BTG4: variants seen among roughly 807,000 people sequenced by gnomAD.
BTG4 encodes the protein BTG anti-proliferation factor 4.
In BTG4, 10 loss-of-function variants were observed where a neutral mutation model predicts 19.3. The observed-to-expected ratio is 0.52, with a 90% CI of 0.32 to 0.88. The LOEUF (loss-of-function observed/expected upper bound fraction) is 0.88. Among genes scored for constraint, BTG4 ranks in the 40% least tolerant of loss-of-function variants. The probability of loss-of-function intolerance (pLI) is 0.04; values close to 1 mark genes in which losing one functional copy is unlikely to be tolerated. For missense variants in BTG4, 238 were observed against 281.9 expected, an observed-to-expected ratio of 0.84 and a Z score of 1.11; for synonymous variants, 91 against 95.7, an observed-to-expected ratio of 0.95 and a Z score of 0.29.
the BTG4 span, chr11:111,397,447 A>G: frequency 6.6e-6 from 1 of 152,000 alleles, no homozygotes; most frequent in Non-Finnish European, 1.5e-5. Context: ...GTTTCTCTCT[A>G]CTCCAGGCCT....
At chr11:111,438,103 A>G in the BTG4 span, among the ~76,000 whole-genome samples, 3 of 152,212 alleles carry the variant, frequency 2.0e-5, no homozygotes, top group Non-Finnish European at 4.4e-5. Flanking sequence ...GATGCTGCTT[A>G]AAGGAAGAGG....
At chr11:111,463,932 C>T (rs1474609555), downstream of BTG4, among the ~76,000 whole-genome samples, 3 of 152,212 alleles carry the variant, frequency 2.0e-5, no homozygotes, top group Non-Finnish European at 1.5e-5. Context: ...GGGCAGCTCA[C>T]AACATGGCAG....
chr11:111,427,434 G>A, the BTG4 span, among the ~76,000 whole-genome samples: 20 of 152,258 alleles, frequency 1.3e-4, no homozygotes, highest in Admixed American at 5.2e-4. Flanking sequence ...TCAAAGGACC[G>A]CTCTGATCTC....
At position 111,498,673 on chromosome 11, in the gene BTG4, A is replaced by G. The variant is rs1865884595; in HGVS notation, c.104T>C (p.Met35Thr). 6.2e-7 allele frequency: 1 copy of G among 1,613,988 alleles called. No individual in the cohort carries two copies. Among genetic ancestry groups the G allele is most frequent in the Non-Finnish European group, 8.5e-7 (1 of 1,179,994 alleles). ...QQIEDFAEKLMTILFETYRSH... is the reference protein window; with the variant it reads ...QQIEDFAEKLTTILFETYRSH... ...TCTGTATGTTTCAAACAAGATCGTCATCAGCTTTTCTGCAAAGTCTTCTAT... is the reference window on the plus strand; with the variant it reads ...TCTGTATGTTTCAAACAAGATCGTCGTCAGCTTTTCTGCAAAGTCTTCTAT... Residue 35 changes from methionine (M) to threonine (T), a missense_variant, in exon 2 of 5, where the codon ATG (methionine) becomes ACG (threonine). Met to Thr is a moderately conservative substitution (Grantham distance 81, BLOSUM62 -1). Coordinates refer to ENST00000692032, the MANE Select transcript of BTG4 (RefSeq NM_001367975.1).
the BTG4 span, among the ~76,000 whole-genome samples, chr11:111,442,506 AT>A: frequency 9.0e-6 from 1 of 111,108 alleles, no homozygotes; most frequent in Non-Finnish European, 1.9e-5. Flanking sequence ...TTCAAAAAAA[AT>A]GTATACACAC....
chr11:111,391,463 T>C, the BTG4 span, among the ~76,000 whole-genome samples: 1 of 152,208 alleles, frequency 6.6e-6, no homozygotes, highest in African/African-American at 2.4e-5. Context: ...CTTTTCTTTT[T>C]TTAGCCACTG....
At chr11:111,414,409 C>T in the BTG4 span, 9 of 152,134 alleles carry the variant, frequency 5.9e-5, no homozygotes, top group African/African-American at 2.2e-4. Context: ...CCTTCCTCGC[C>T]CAGTTGAACC....
intron 5 of BTG4, among the ~76,000 whole-genome samples, chr11:111,480,830 T>C (rs191176032): frequency 6.6e-6 from 1 of 151,598 alleles, no homozygotes; most frequent in African/African-American, 2.4e-5. Flanking sequence ...ATACTAAGTA[T>C]ATACATTAGA....
the BTG4 span, among the ~76,000 whole-genome samples, chr11:111,451,918 C>T: frequency 6.6e-6 from 1 of 152,232 alleles, no homozygotes; most frequent in Non-Finnish European, 1.5e-5. Flanking sequence ...ATGTGCTGTG[C>T]AAGGAGGGGA....
chr11:111,404,024 C>G, the BTG4 span, among the ~76,000 whole-genome samples: 1 of 152,144 alleles, frequency 6.6e-6, no homozygotes, highest in Non-Finnish European at 1.5e-5. Context: ...TCCTGAATTC[C>G]CATGTCTTGT....
At chr11:111,472,208 T>C (rs1370191302) in intron 5 of BTG4, among the ~76,000 whole-genome samples, 1 of 152,196 alleles carries the variant, frequency 6.6e-6, no homozygotes, top group African/African-American at 2.4e-5. Flanking sequence ...AATATTGTCA[T>C]GAGGCCTTAT....
the BTG4 span, among the ~76,000 whole-genome samples, chr11:111,425,748 G>A: frequency 6.6e-6 from 1 of 152,172 alleles, no homozygotes; most frequent in African/African-American, 2.4e-5. Context: ...AAATGGATCT[G>A]AGGGCGGGCA....
the BTG4 span, among the ~76,000 whole-genome samples, chr11:111,384,004 G>GT: frequency 6.6e-6 from 1 of 152,014 alleles, no homozygotes; most frequent in Admixed American, 6.6e-5. Context: ...ATGGCATCTT[G>GT]TTTTTTATAT....
At chr11:111,497,105 G>T in intron 4 of BTG4, 106 bp downstream of exon 4, 1 of 1,165,566 alleles carries the variant, frequency 8.6e-7, no homozygotes, top group Non-Finnish European at 1.2e-6. Flanking sequence ...AAAATCTACA[G>T]TTTTGTTCTT....
chr11:111,507,651 T>C (rs928493345), intron 1 of BTG4, among the ~76,000 whole-genome samples: 3 of 152,214 alleles, frequency 2.0e-5, no homozygotes, highest in African/African-American at 7.2e-5. Flanking sequence ...CGTATGAATT[T>C]TAAAATAGCT....
intron 5 of BTG4, among the ~76,000 whole-genome samples, chr11:111,474,584 A>G (rs1864286316): frequency 6.6e-6 from 1 of 152,096 alleles, no homozygotes; most frequent in Admixed American, 6.6e-5. Context: ...CTGTTGATGC[A>G]TATGTGGGTA....
At chr11:111,508,390 C>T (rs1866613460) in intron 1 of BTG4, among the ~76,000 whole-genome samples, 1 of 150,248 alleles carries the variant, frequency 6.7e-6, no homozygotes, top group Admixed American at 6.6e-5. Context: ...GTGAACTTCA[C>T]AGAAACGTAT....
chr11:111,475,852 C>T (rs1277040470), intron 5 of BTG4, among the ~76,000 whole-genome samples: 1 of 152,194 alleles, frequency 6.6e-6, no homozygotes, highest in Non-Finnish European at 1.5e-5. Context: ...GGAGACCTCA[C>T]AACCATGGCT....
chr11:111,409,910 A>G, the BTG4 span, among the ~76,000 whole-genome samples: 1 of 152,230 alleles, frequency 6.6e-6, no homozygotes, highest in African/African-American at 2.4e-5. Context: ...TATTGGAGTG[A>G]TAAGTAACTT....
Sources: gnomAD v4.1 joint callset for allele counts (sites outside exome capture counted in the v4.1 genomes callset) on GRCh38, gnomAD v4.1.1 for gene constraint, MANE v1.5 for transcripts, NCBI Gene and HGNC (gene_info 2026-07-23, HGNC 2026-07-21) for gene names.